ELF4: variants seen among roughly 807,000 people sequenced by gnomAD.
ELF4 encodes the protein E74 like ETS transcription factor 4.
ELF4 carries 10 observed loss-of-function variants against 31.7 expected under a neutral mutation model. That is an observed-to-expected ratio of 0.32 (90% CI 0.19 to 0.54). The LOEUF is 0.54. Among genes scored for constraint, ELF4 ranks in the 20% least tolerant of loss-of-function variants. The pLI is 0.95. For missense variants in ELF4, 418 were observed against 522.0 expected (o/e 0.80, Z 1.94); for synonymous variants, 208 against 226.7 (o/e 0.92, Z 0.74).
intron 4 of ELF4, among the ~76,000 whole-genome samples, chrX:130,072,983 A>T (rs1932801576): frequency 9.0e-6 from 1 of 111,636 alleles, no homozygotes; most frequent in South Asian, 3.7e-4. Context: ...ATCTGGGGGA[A>T]CCCTCCTGTG....
chrX:130,090,844 G>C lies in ELF4; in HGVS notation c.-209-9305C>G, dbSNP rs190116780. 4.6e-3 allele frequency among the ~76,000 whole-genome samples: 520 copies of C among 112,028 alleles called. 1 individual carries two copies. Among genetic ancestry groups the C allele is most frequent in the Non-Finnish European group, 7.1e-3 (379 of 53,215 alleles). On this transcript the variant is annotated intron_variant, in intron 1 of 8. Coordinates refer to ENST00000308167, the MANE Select transcript of ELF4 (RefSeq NM_001421.4). ...TATGTATTTTTTGAGACTGGGTTTT[G>C]ATCTGTCACCCAGGTTGGAGTGCAG...
At chrX:130,096,343 C>T (rs908139038) in intron 1 of ELF4, among the ~76,000 whole-genome samples, 15 of 110,225 alleles carry the variant, frequency 1.4e-4, no homozygotes, top group Non-Finnish European at 2.1e-4. Flanking sequence ...CCAGCCATAC[C>T]GGGCTAATTT....
intron 1 of ELF4, among the ~76,000 whole-genome samples, chrX:130,093,970 A>T (rs777148502): frequency 1.8e-5 from 2 of 111,192 alleles, no homozygotes; most frequent in Non-Finnish European, 3.8e-5. Flanking sequence ...GGTGGCTCAC[A>T]CCTGTAATCC....
At chrX:130,111,155 C>T (rs1483983683), upstream of ELF4, among the ~76,000 whole-genome samples, 1 of 109,780 alleles carries the variant, frequency 9.1e-6, no homozygotes, top group Non-Finnish European at 1.9e-5. Flanking sequence ...CTCGCTCGCG[C>T]CCGGGGGACC....
Position 130,072,315 on chromosome X carries a change from C to A in ELF4, c.443G>T (p.Gly148Val), listed in dbSNP as rs1431402672. The change falls in exon 5 of 9, where the codon GGT becomes GTT. Residue 148 changes from glycine (G) to valine (V), a missense_variant. Transcript: ENST00000308167. ...ATGCCCCTCCTGGTCACTAGTGTCA[C>A]CCGCCCTGTTCAGGGCATCGGGCTC... ...ASEPDALNRA[G>V]DTSDQEGHSL... 1.7e-6 allele frequency: 2 copies of A among 1,211,162 alleles called. No homozygotes were observed. The highest frequency in any genetic ancestry group is 2.2e-5 in the Admixed American group (1 of 45,959).
At chrX:130,085,562 T>A (rs1932948792) in intron 1 of ELF4, among the ~76,000 whole-genome samples, 1 of 109,818 alleles carries the variant, frequency 9.1e-6, no homozygotes, top group Non-Finnish European at 1.9e-5. Context: ...GTGGAGTGAG[T>A]TTAAATCTAC....
Position 130,106,336 on chromosome X carries a change from TC to T in ELF4, c.-210+3988del, listed in dbSNP as rs757881522. ...TCTGATTGTTTCAGTGTCTTAGTCA[TC>T]TCTTCCCCAGCGCCTCCTTCTCTCA... is the stretch of plus-strand genomic sequence containing the variant. On this transcript the variant is annotated intron_variant, in intron 1 of 8. Coordinates refer to ENST00000308167, the MANE Select transcript of ELF4 (RefSeq NM_001421.4). 6.5e-3 allele frequency among the ~76,000 whole-genome samples: 726 copies of T among 110,943 alleles called. 4 individuals are homozygous for T. The highest frequency in any genetic ancestry group is 9.4e-3 in the Non-Finnish European group (499 of 52,883).
chrX:130,074,623 T>C lies in ELF4; in HGVS notation c.205A>G (p.Met69Val). Residue 69 changes from methionine to valine, a missense_variant, in exon 3 of 9, where the codon ATG becomes GTG. By Grantham distance (21) the Met-to-Val change is conservative (BLOSUM62 1). Coordinates refer to ENST00000308167, the MANE Select transcript of ELF4 (RefSeq NM_001421.4). ...NGIITDGTLC[M>V]TQDQILEGSF... ...CCTTCCAGGATCTGATCCTGCGTCA[T>C]GCACAAGGTCCCGTCTGTTATGATG... 1 of 1,211,918 alleles carries C rather than the reference T, an allele frequency of 8.3e-7. No individual in the cohort carries two copies. The highest frequency in any genetic ancestry group is 1.1e-6 in the Non-Finnish European group (1 of 895,593).
chrX:130,079,255 C>T (rs951980418), intron 2 of ELF4, among the ~76,000 whole-genome samples: 17 of 110,084 alleles, frequency 1.5e-4, no homozygotes, highest in Middle Eastern at 4.6e-3. Context: ...GTCAGGAGTT[C>T]GAGACCAGCC....
At chrX:130,072,966 G>A (rs1395304018) in intron 4 of ELF4, among the ~76,000 whole-genome samples, 1 of 112,160 alleles carries the variant, frequency 8.9e-6, no homozygotes, top group Non-Finnish European at 1.9e-5. Context: ...CCCCTTGGGA[G>A]AAGGCAATCT....
intron 1 of ELF4, among the ~76,000 whole-genome samples, chrX:130,101,777 C>T (rs1000961204): frequency 1.3e-4 from 14 of 107,039 alleles, no homozygotes; most frequent in South Asian, 8.0e-4. Flanking sequence ...CCAGCCTGGG[C>T]GACAAGAGGG....
intron 1 of ELF4, among the ~76,000 whole-genome samples, chrX:130,101,681 CTCGGGAGG>C (rs1281904088): frequency 3.6e-5 from 4 of 110,178 alleles, no homozygotes; most frequent in East Asian, 2.8e-4. Flanking sequence ...ATCCCAGGTA[CTCGGGAGG>C]TCGGGAGGCT....
At chrX:130,099,569 C>T (rs911443185) in intron 1 of ELF4, among the ~76,000 whole-genome samples, 2 of 110,924 alleles carry the variant, frequency 1.8e-5, no homozygotes, top group Non-Finnish European at 3.8e-5. Flanking sequence ...AGCGATACTC[C>T]GTCTCAAAAA....
At chrX:130,079,837 G>A (rs1194516580) in intron 2 of ELF4, among the ~76,000 whole-genome samples, 1 of 112,092 alleles carries the variant, frequency 8.9e-6, no homozygotes, top group Non-Finnish European at 1.9e-5. Context: ...GTAGCATTGA[G>A]AACTCATGTA....
At chrX:130,069,888 CCT>C (rs914426549) in intron 7 of ELF4, among the ~76,000 whole-genome samples, 2 of 112,476 alleles carry the variant, frequency 1.8e-5, no homozygotes, top group South Asian at 3.6e-4. Context: ...GAGATTTCCC[CCT>C]GAGAACTCAA....
At chrX:130,085,170 C>T (rs1932943493) in intron 1 of ELF4, among the ~76,000 whole-genome samples, 1 of 112,087 alleles carries the variant, frequency 8.9e-6, no homozygotes, top group African/African-American at 3.2e-5. Flanking sequence ...GCAAGAGCTC[C>T]ACTCCCTTCA....
chrX:130,101,785 G>C (rs765597187), intron 1 of ELF4, among the ~76,000 whole-genome samples: 2 of 104,816 alleles, frequency 1.9e-5, no homozygotes, highest in African/African-American at 7.3e-5. Context: ...GGCGACAAGA[G>C]GGAAACTCCG....
At chrX:130,102,882 GAGAGAAAGAA>G (rs767105857) in intron 1 of ELF4, among the ~76,000 whole-genome samples, 67 of 55,516 alleles carry the variant, frequency 1.2e-3, no homozygotes, top group Middle Eastern at 0.015. Flanking sequence ...GAGAGAGAGA[GAGAGAAAGAA>G]AGAAAGAAAG....
chrX:130,089,291 T>C (rs1182643446), intron 1 of ELF4, among the ~76,000 whole-genome samples: 2 of 107,175 alleles, frequency 1.9e-5, no homozygotes, highest in Non-Finnish European at 3.9e-5. Context: ...TTGCTTGAGC[T>C]CAGGAGTTCG....
Sources: allele counts gnomAD v4.1 joint callset (sites outside exome capture counted in the v4.1 genomes callset), GRCh38; gene constraint gnomAD v4.1.1; transcripts MANE v1.5; gene names NCBI Gene and HGNC (gene_info 2026-07-23, HGNC 2026-07-21).